Variants in SNX13 observed in about 807,000 individuals in gnomAD.
SNX13 encodes sorting nexin-13.
SNX13 carries 45 observed loss-of-function variants against 133.6 expected under a neutral mutation model. The observed-to-expected ratio is 0.34, with a 90% confidence interval of 0.27 to 0.43. The LOEUF is 0.43. Among genes scored for constraint, SNX13 ranks in the 20% least tolerant of loss-of-function variants. SNX13 has a pLI of 1.00. For synonymous variants in SNX13, 414 were observed against 373.9 expected (o/e 1.11, Z -1.24); for missense variants, 1,032 against 1,145.1 (o/e 0.90, Z 1.43).
At chr7:17,864,293 G>A (rs897969167) in intron 9 of SNX13, among the ~76,000 whole-genome samples, 1 of 152,112 alleles carries the variant, frequency 6.6e-6, no homozygotes, top group East Asian at 1.9e-4. Context: ...ATAACAAAGA[G>A]AAGGAATTCA....
chr7:17,910,837 G>C (rs990332982), intron 1 of SNX13, among the ~76,000 whole-genome samples: 1 of 152,140 alleles, frequency 6.6e-6, no homozygotes, highest in African/African-American at 2.4e-5. Context: ...AAAATATCCA[G>C]AATACATAAA....
At chr7:17,846,244 T>C (rs569346436) in intron 11 of SNX13, among the ~76,000 whole-genome samples, 49 of 149,814 alleles carry the variant, frequency 3.3e-4, no homozygotes, top group Non-Finnish European at 6.1e-4. Context: ...AACCTACATA[T>C]GAAAAAAAAA....
At chr7:17,914,504 A>G (rs572213548) in intron 1 of SNX13, among the ~76,000 whole-genome samples, 5 of 152,334 alleles carry the variant, frequency 3.3e-5, no homozygotes, top group African/African-American at 9.6e-5. Flanking sequence ...CTATAAAGGC[A>G]AACCCATCAA....
chr7:17,820,700 A>G lies in SNX13; in HGVS notation c.1845+809T>C, dbSNP rs192945771. ...TTGAAAAAGATAATTTCTGATTTCT[A>G]AAGTAGTACAACGTCATTTCAAAGC... On this transcript the variant is annotated intron_variant, in intron 18 of 25. Coordinates refer to ENST00000428135, the MANE Select transcript of SNX13 (RefSeq NM_015132.5). Among the ~76,000 whole-genome samples the G allele has an allele frequency of 4.6e-5, 7 of 152,282 alleles. No individual in the cohort carries two copies. The East Asian group carries it at 1.2e-3, about 25-fold the overall frequency.
At chr7:17,894,226 C>T (rs977420109) in intron 2 of SNX13, among the ~76,000 whole-genome samples, 1 of 151,482 alleles carries the variant, frequency 6.6e-6, no homozygotes, top group East Asian at 1.9e-4. Flanking sequence ...TTGCTTGAAC[C>T]GGGGAGGCAG....
intron 9 of SNX13, among the ~76,000 whole-genome samples, chr7:17,856,183 G>T (rs1196279682): frequency 6.6e-6 from 1 of 152,220 alleles, no homozygotes; most frequent in Non-Finnish European, 1.5e-5. Flanking sequence ...GAGGATTAAA[G>T]TTTAAAGTTC....
At chr7:17,841,171 A>AT (rs112915382) in intron 12 of SNX13, among the ~76,000 whole-genome samples, 5,881 of 152,156 alleles carry the variant, frequency 0.039, 370 homozygotes, top group African/African-American at 0.13. Context: ...TTGTTGTTGC[A>AT]TATCTCTTGA....
At position 17,829,428 on chromosome 7, in the gene SNX13, A is replaced by G. The variant is rs137908590; in HGVS notation, c.1635+582T>C. On this transcript the variant is annotated intron_variant, in intron 16 of 25. Transcript: ENST00000428135. ...TGTACCTTGAATATATAAAATGCCA[A>G]TGACAGTTGAGATTCTAAAAACATG... Among the ~76,000 whole-genome samples, 492 of 151,632 alleles carry G rather than the reference A, an allele frequency of 3.2e-3. 2 individuals are homozygous for G. The highest frequency in any genetic ancestry group is 0.011 in the African/African-American group (462 of 41,510).
chr7:17,921,247 T>C (rs149454498), intron 1 of SNX13, among the ~76,000 whole-genome samples: 1 of 152,214 alleles, frequency 6.6e-6, no homozygotes, highest in Non-Finnish European at 1.5e-5. Flanking sequence ...CTGCTGGATG[T>C]GTTCTCTAGA....
intron 1 of SNX13, among the ~76,000 whole-genome samples, chr7:17,926,338 T>G: frequency 6.6e-6 from 1 of 152,084 alleles, no homozygotes; most frequent in Non-Finnish European, 1.5e-5. Context: ...ACTAACAATA[T>G]GTAGAAAACT....
chr7:17,905,793 T>C (rs1798333964), intron 1 of SNX13, among the ~76,000 whole-genome samples: 1 of 152,164 alleles, frequency 6.6e-6, no homozygotes, highest in Non-Finnish European at 1.5e-5. Context: ...CTCAAGGCTA[T>C]TTACACTTTT....
intron 20 of SNX13, among the ~76,000 whole-genome samples, chr7:17,804,779 A>T (rs947241117): frequency 2.0e-5 from 3 of 152,170 alleles, no homozygotes; most frequent in African/African-American, 7.2e-5. Flanking sequence ...TACCAGTGAA[A>T]ACAAATTATG....
intron 3 of SNX13, 26 bp from the exon 4 acceptor site, chr7:17,891,661 T>C (rs779890970): frequency 1.3e-6 from 2 of 1,538,688 alleles, no homozygotes; most frequent in East Asian, 2.3e-5. Context: ...AATATCTTAC[T>C]GAGTAGTTTT....
At chr7:17,800,740 A>C (rs1215771972) in intron 22 of SNX13, among the ~76,000 whole-genome samples, 1 of 151,706 alleles carries the variant, frequency 6.6e-6, no homozygotes, top group East Asian at 1.9e-4. Flanking sequence ...AGCTAAGCCA[A>C]CAGAAAAATG....
chr7:17,937,011 A>C (rs28588045), intron 1 of SNX13, among the ~76,000 whole-genome samples: 26 of 113,024 alleles, frequency 2.3e-4, no homozygotes, highest in African/African-American at 8.4e-4. Context: ...TAAAAAAAAT[A>C]AAATAAAATA....
chr7:17,890,241 G>C, intron 5 of SNX13, 122 bp downstream of exon 5: 1 of 871,222 alleles, frequency 1.1e-6, no homozygotes, highest in East Asian at 2.9e-5. Flanking sequence ...TTATCCCACA[G>C]TAATAATCTG....
At position 17,868,579 on chromosome 7, in the gene SNX13, TAAGAA is replaced by T. The variant is rs938434748; in HGVS notation, c.754-94_754-90del. 2.4e-4 allele frequency: 243 copies of T among 995,624 alleles called. 2 individuals carry two copies. In the African/African-American group the frequency reaches 3.5e-3, roughly 14 times the overall value. 61.7% of individuals were successfully genotyped at this position (995,624 alleles called of 1,614,324 possible). On this transcript the variant is annotated intron_variant, in intron 8 of 25. Coordinates refer to ENST00000428135, the MANE Select transcript of SNX13 (RefSeq NM_015132.5). ...AATATTCTAACACAATGCTGTTACT[TAAGAA>T]AAGTATGATATACATGTAACTAGGA...
intron 1 of SNX13, among the ~76,000 whole-genome samples, chr7:17,903,185 A>T (rs4721669): frequency 0.12 from 18,255 of 152,238 alleles, 1,260 homozygotes; most frequent in African/African-American, 0.17. Flanking sequence ...CATCTACTGC[A>T]ATACTTCTCA....
chr7:17,858,953 ATG>A (rs1352862080), intron 9 of SNX13, among the ~76,000 whole-genome samples: 1 of 152,132 alleles, frequency 6.6e-6, no homozygotes, highest in African/African-American at 2.4e-5. Context: ...ACACATAAAA[ATG>A]TGAGATAAAT....
Sources: allele counts gnomAD v4.1 joint callset (sites outside exome capture counted in the v4.1 genomes callset), GRCh38; gene constraint gnomAD v4.1.1; transcripts MANE v1.5; gene names NCBI Gene and HGNC (gene_info 2026-07-23, HGNC 2026-07-21).